Variants in LDLRAD4 observed in about 807,000 individuals in gnomAD.
The protein encoded by LDLRAD4 is low-density lipoprotein receptor class A domain-containing protein 4.
In LDLRAD4, 5 loss-of-function variants were observed where a neutral mutation model predicts 17.0. That is an observed-to-expected ratio of 0.29 (90% CI 0.15 to 0.62). LDLRAD4 has a LOEUF of 0.62. Ranked by LOEUF, LDLRAD4 falls within the 20% of genes least tolerant of loss-of-function variation. LDLRAD4 has a pLI of 0.84. For synonymous variants in LDLRAD4, 168 were observed against 171.8 expected (o/e 0.98, Z 0.17); for missense variants, 340 against 424.7 (o/e 0.80, Z 1.75).
At chr18:13,338,011 G>T (rs926793242) in intron 1 of LDLRAD4, among the ~76,000 whole-genome samples, 3 of 152,138 alleles carry the variant, frequency 2.0e-5, no homozygotes, top group African/African-American at 7.2e-5. Context: ...AGCAAGTTAT[G>T]GTTACAGAAA....
chr18:13,651,219 A>C (rs920546303), exon 6 of LDLRAD4: 13 of 152,248 alleles, frequency 8.5e-5, no homozygotes, highest in Non-Finnish European at 1.8e-4. Flanking sequence ...ATCAGCCTGC[A>C]GCAGAAGACT....
intron 1 of LDLRAD4, among the ~76,000 whole-genome samples, chr18:13,309,345 G>A (rs2047097811): frequency 1.3e-5 from 2 of 152,210 alleles, no homozygotes; most frequent in Non-Finnish European, 2.9e-5. Context: ...TGAGCCGGAT[G>A]ATGATGACTT....
chr18:13,266,172 C>T (rs2044205254), intron 1 of LDLRAD4, among the ~76,000 whole-genome samples: 1 of 152,284 alleles, frequency 6.6e-6, no homozygotes, highest in South Asian at 2.1e-4. Flanking sequence ...AGCACTCGCC[C>T]AGACCTTAAA....
At chr18:13,411,437 G>C (rs780072637) in intron 2 of LDLRAD4, among the ~76,000 whole-genome samples, 1 of 152,128 alleles carries the variant, frequency 6.6e-6, no homozygotes, top group African/African-American at 2.4e-5. Context: ...ATATGGTTTG[G>C]CTGTGTCCTT....
chr18:13,403,612 G>A (rs948169845), intron 2 of LDLRAD4, among the ~76,000 whole-genome samples: 2 of 152,222 alleles, frequency 1.3e-5, no homozygotes, highest in Non-Finnish European at 2.9e-5. Context: ...CATGGTCTCT[G>A]AGACCCCCTT....
chr18:13,640,756 CTTTCCTG>C (rs1308888558), intron 4 of LDLRAD4, among the ~76,000 whole-genome samples: 1 of 152,144 alleles, frequency 6.6e-6, no homozygotes, highest in Non-Finnish European at 1.5e-5. Flanking sequence ...CTCTGCACCC[CTTTCCTG>C]GCCTCAGGAA....
At chr18:13,344,798 T>A (rs954488306) in intron 1 of LDLRAD4, among the ~76,000 whole-genome samples, 3 of 152,226 alleles carry the variant, frequency 2.0e-5, no homozygotes, top group Non-Finnish European at 2.9e-5. Context: ...GTCCTTCACA[T>A]CCCTTTTAAG....
chr18:13,395,413 G>C (rs1473441369), intron 2 of LDLRAD4, among the ~76,000 whole-genome samples: 9 of 104,274 alleles, frequency 8.6e-5, no homozygotes, highest in Non-Finnish European at 1.5e-4. Flanking sequence ...ACAGTTAGCT[G>C]CCATAGCTCT....
At chr18:13,313,579 C>G (rs79355310) in intron 1 of LDLRAD4, among the ~76,000 whole-genome samples, 2,122 of 152,352 alleles carry the variant, frequency 0.014, 53 homozygotes, top group African/African-American at 0.049. Flanking sequence ...TGCCTTCCCC[C>G]GCCACCGTCC....
intron 3 of LDLRAD4, among the ~76,000 whole-genome samples, chr18:13,531,690 T>C (rs1306860912): frequency 6.6e-6 from 1 of 151,232 alleles, no homozygotes; most frequent in Non-Finnish European, 1.5e-5. Flanking sequence ...GCACAATTCC[T>C]GGTGCTCAGA....
At chr18:13,505,052 A>G (rs1205734954) in intron 3 of LDLRAD4, among the ~76,000 whole-genome samples, 3 of 152,196 alleles carry the variant, frequency 2.0e-5, no homozygotes, top group African/African-American at 7.2e-5. Context: ...CCCACACCAG[A>G]CGATGTGCCA....
chr18:13,418,116 C>A (rs2089098909), intron 2 of LDLRAD4, among the ~76,000 whole-genome samples: 1 of 152,110 alleles, frequency 6.6e-6, no homozygotes, highest in African/African-American at 2.4e-5. Context: ...CCGCTCCCCA[C>A]CCGCCCTCTG....
intron 3 of LDLRAD4, among the ~76,000 whole-genome samples, chr18:13,468,551 G>A (rs1404680457): frequency 1.3e-5 from 2 of 152,066 alleles, no homozygotes; most frequent in Admixed American, 6.5e-5. Context: ...ACATGCACAT[G>A]TATGTTTATT....
chr18:13,395,615 CGTGGGGGCGGG>C (rs1568095057), intron 2 of LDLRAD4, among the ~76,000 whole-genome samples: 33 of 56,758 alleles, frequency 5.8e-4, no homozygotes, highest in Non-Finnish European at 9.7e-4. Context: ...CGGGAGTTGG[CGTGGGGGCGGG>C]AGTTGGCGTT....
At chr18:13,617,169 C>T (rs560213463) in intron 3 of LDLRAD4, among the ~76,000 whole-genome samples, 1 of 151,396 alleles carries the variant, frequency 6.6e-6, no homozygotes, top group East Asian at 1.9e-4. Context: ...AACTCCTGGT[C>T]TTAAACAATT....
chr18:13,500,290 G>A (rs953603545), intron 3 of LDLRAD4, among the ~76,000 whole-genome samples: 2 of 152,188 alleles, frequency 1.3e-5, no homozygotes, highest in African/African-American at 2.4e-5. Flanking sequence ...ACATTGCGTC[G>A]TCTCTCAAAG....
At chr18:13,323,126 G>A (rs1418094196) in intron 1 of LDLRAD4, among the ~76,000 whole-genome samples, 1 of 152,164 alleles carries the variant, frequency 6.6e-6, no homozygotes, top group Non-Finnish European at 1.5e-5. Flanking sequence ...AGAAAACCAC[G>A]TCCTTCTCAC....
chr18:13,428,652 G>C (rs1442939347), intron 2 of LDLRAD4, among the ~76,000 whole-genome samples: 1 of 152,152 alleles, frequency 6.6e-6, no homozygotes, highest in African/African-American at 2.4e-5. Context: ...CTTGGAGGAG[G>C]GTGACTGTAG....
chr18:13,573,618 C>G (rs1294090924), intron 3 of LDLRAD4, among the ~76,000 whole-genome samples: 1 of 152,198 alleles, frequency 6.6e-6, no homozygotes, highest in African/African-American at 2.4e-5. Context: ...TAGGAGCATG[C>G]TGGGCTCACA....
Sources: gnomAD v4.1 joint callset for allele counts (sites outside exome capture counted in the v4.1 genomes callset) on GRCh38, gnomAD v4.1.1 for gene constraint, MANE v1.5 for transcripts, NCBI Gene and HGNC (gene_info 2026-07-23, HGNC 2026-07-21) for gene names.